NDFIP2: variants seen among roughly 807,000 people sequenced by gnomAD.
The protein encoded by NDFIP2 is Nedd4 family interacting protein 2.
Under a neutral mutation model 36.0 loss-of-function variants are expected in NDFIP2, and 19 were observed. The ratio of observed to expected loss-of-function variants is 0.53; its 90% CI spans 0.37 to 0.77. The LOEUF is 0.77. Ranked by LOEUF, NDFIP2 falls within the 30% of genes least tolerant of loss-of-function variation. The pLI, the probability that NDFIP2 is intolerant of heterozygous loss-of-function variation, is 0.00. For synonymous variants in NDFIP2, 181 were observed against 167.7 expected (o/e 1.08, Z -0.61); for missense variants, 446 against 435.8 (o/e 1.02, Z -0.21).
intron 4 of NDFIP2, among the ~76,000 whole-genome samples, chr13:79,541,359 T>C (rs1269615840): frequency 1.3e-5 from 2 of 151,556 alleles, no homozygotes; most frequent in African/African-American, 4.8e-5. Flanking sequence ...ACACACTGGA[T>C]GACTTTATTC....
chr13:79,531,108 G>A (rs1377677367), intron 2 of NDFIP2, among the ~76,000 whole-genome samples: 1 of 152,178 alleles, frequency 6.6e-6, no homozygotes, highest in Non-Finnish European at 1.5e-5. Context: ...GTCTTAGTAG[G>A]CATGAAAACA....
intron 1 of NDFIP2, among the ~76,000 whole-genome samples, chr13:79,504,439 A>G (rs1317700508): frequency 6.6e-6 from 1 of 152,194 alleles, no homozygotes; most frequent in African/African-American, 2.4e-5. Flanking sequence ...TTTCCCAAAA[A>G]CAAAGATGTT....
chr13:79,485,550 C>T (rs1872947189), intron 1 of NDFIP2, among the ~76,000 whole-genome samples: 1 of 152,128 alleles, frequency 6.6e-6, no homozygotes, highest in Admixed American at 6.5e-5. Context: ...CTTTTCTTGC[C>T]AGCCTTATTC....
At chr13:79,485,340 G>A (rs1352198440) in intron 1 of NDFIP2, among the ~76,000 whole-genome samples, 2 of 152,188 alleles carry the variant, frequency 1.3e-5, no homozygotes, top group Non-Finnish European at 2.9e-5. Flanking sequence ...AGAAGAAACA[G>A]CTCAGTATGA....
intron 1 of NDFIP2, among the ~76,000 whole-genome samples, chr13:79,500,755 T>G (rs1873634195): frequency 6.6e-6 from 1 of 152,010 alleles, no homozygotes; most frequent in Non-Finnish European, 1.5e-5. Flanking sequence ...GTTTGACAGT[T>G]TCTTATAAAG....
chr13:79,534,025 G>A (rs777025572), intron 3 of NDFIP2, among the ~76,000 whole-genome samples: 12 of 151,802 alleles, frequency 7.9e-5, no homozygotes, highest in Non-Finnish European at 1.6e-4. Flanking sequence ...GCTCTTCCCC[G>A]CTTATCCCTT....
chr13:79,550,707 C>A (rs528736814), intron 6 of NDFIP2, among the ~76,000 whole-genome samples: 2 of 151,556 alleles, frequency 1.3e-5, no homozygotes, highest in South Asian at 4.2e-4. Context: ...TGAGTTGAAT[C>A]AGTTTAAGTG....
intron 3 of NDFIP2, among the ~76,000 whole-genome samples, chr13:79,537,773 C>G (rs2137106806): frequency 6.6e-6 from 1 of 152,320 alleles, no homozygotes; most frequent in South Asian, 2.1e-4. Flanking sequence ...TGATATTGAG[C>G]AGAGCCCTAG....
intron 1 of NDFIP2, among the ~76,000 whole-genome samples, chr13:79,483,378 A>G (rs755152271): frequency 3.3e-5 from 5 of 152,134 alleles, no homozygotes; most frequent in Non-Finnish European, 5.9e-5. Context: ...CTGATTAATA[A>G]CATCAGTGTA....
At chr13:79,512,493 A>G (rs1874115534) in intron 1 of NDFIP2, among the ~76,000 whole-genome samples, 1 of 152,134 alleles carries the variant, frequency 6.6e-6, no homozygotes, top group Admixed American at 6.6e-5. Flanking sequence ...AAGTGAGAAA[A>G]TAGGAACAGA....
intron 2 of NDFIP2, 104 bp downstream of exon 2, chr13:79,521,079 C>A: frequency 2.2e-6 from 2 of 918,466 alleles, no homozygotes; most frequent in Non-Finnish European, 3.2e-6. Context: ...CATATATACA[C>A]ATGGATATTT....
chr13:79,543,033 C>G (rs1875521515), intron 4 of NDFIP2, among the ~76,000 whole-genome samples: 1 of 152,060 alleles, frequency 6.6e-6, no homozygotes, highest in African/African-American at 2.4e-5. Context: ...CCCACCACCA[C>G]ACCCGGCTAA....
At chr13:79,538,668 T>C (rs559218172) in intron 3 of NDFIP2, among the ~76,000 whole-genome samples, 1 of 152,046 alleles carries the variant, frequency 6.6e-6, no homozygotes, top group Admixed American at 6.5e-5. Context: ...CTGCAGCTGC[T>C]ACCTCCCGAG....
At position 79,554,029 on chromosome 13, in the gene NDFIP2, C is replaced by T. The variant is rs1387806771; in HGVS notation, c.*1516C>T. 1 of 151,470 alleles carries T rather than the reference C, an allele frequency of 6.6e-6. No homozygotes were observed. Among genetic ancestry groups the T allele is most frequent in the African/African-American group, 2.4e-5 (1 of 41,360 alleles). The allele number at this position is 151,470 out of a possible 1,614,324, so 9.4% of individuals were successfully genotyped here. A position where few individuals can be genotyped will look rare whatever the true frequency, so the allele number is the denominator to read the frequency against. ...TAAAATTTATTATGCTTTATAACCT[C>T]TTCTGTATTTTCTAATTTTTTCATT... On this transcript the variant is annotated 3_prime_UTR_variant, in exon 8 of 8. Coordinates refer to ENST00000218652, the MANE Select transcript of NDFIP2 (RefSeq NM_019080.3).
chr13:79,491,402 A>G (rs904871946), intron 1 of NDFIP2, among the ~76,000 whole-genome samples: 5 of 151,756 alleles, frequency 3.3e-5, no homozygotes, highest in Non-Finnish European at 5.9e-5. Context: ...AGCTTGAAAT[A>G]TATTGCTTAG....
intron 1 of NDFIP2, among the ~76,000 whole-genome samples, chr13:79,519,645 TA>T (rs1286845931): frequency 2.0e-5 from 3 of 152,262 alleles, no homozygotes; most frequent in Admixed American, 6.5e-5. Context: ...TAGGATCTCC[TA>T]GGTTGTTGTG....
chr13:79,499,201 C>T (rs1873562045), intron 1 of NDFIP2, among the ~76,000 whole-genome samples: 1 of 151,844 alleles, frequency 6.6e-6, no homozygotes, highest in Non-Finnish European at 1.5e-5. Flanking sequence ...AACACCCATT[C>T]ATGATAAAAA....
At chr13:79,490,217 C>G (rs903611231) in intron 1 of NDFIP2, among the ~76,000 whole-genome samples, 3 of 152,134 alleles carry the variant, frequency 2.0e-5, no homozygotes, top group Non-Finnish European at 2.9e-5. Flanking sequence ...GAGAGGCAGA[C>G]CACTGGTGAG....
At chr13:79,503,448 A>G (rs1353903244) in intron 1 of NDFIP2, among the ~76,000 whole-genome samples, 4 of 152,184 alleles carry the variant, frequency 2.6e-5, no homozygotes, top group African/African-American at 7.2e-5. Context: ...TCCAGACTAC[A>G]TAGGATAGAA....
Sources: allele counts gnomAD v4.1 joint callset (sites outside exome capture counted in the v4.1 genomes callset), GRCh38; gene constraint gnomAD v4.1.1; transcripts MANE v1.5; gene names NCBI Gene and HGNC (gene_info 2026-07-23, HGNC 2026-07-21).